RANBP2: variants seen among roughly 807,000 people sequenced by gnomAD.
RANBP2 encodes RAN binding protein 2.
In RANBP2, 57 loss-of-function variants were observed where a neutral mutation model predicts 303.6. The observed-to-expected ratio is 0.19, with a 90% CI of 0.15 to 0.23. RANBP2 has a LOEUF of 0.23. RANBP2 is among the 10% of genes least tolerant of loss of function. RANBP2 has a pLI of 1.00. For synonymous variants in RANBP2, 1,167 were observed against 1,301.5 expected, an observed-to-expected ratio of 0.90 and a Z score of 2.23; for missense variants, 3,138 against 3,780.8, an observed-to-expected ratio of 0.83 and a Z score of 4.46.
At chr2:109,346,305 CT>C in the RANBP2 span, among the ~76,000 whole-genome samples, 3 of 152,114 alleles carry the variant, frequency 2.0e-5, no homozygotes, top group Non-Finnish European at 1.5e-5. Context: ...TTTGACGTTG[CT>C]GAAACATAAA....
the RANBP2 span, among the ~76,000 whole-genome samples, chr2:109,476,670 C>T: frequency 2.0e-5 from 3 of 152,124 alleles, no homozygotes; most frequent in East Asian, 1.9e-4. Context: ...TTGGATCTCC[C>T]GCAAGAAAGA....
the RANBP2 span, among the ~76,000 whole-genome samples, chr2:109,424,271 C>T: frequency 6.7e-6 from 1 of 149,038 alleles, no homozygotes; most frequent in Non-Finnish European, 1.5e-5. Flanking sequence ...TTTGAAGGGG[C>T]AGTCATGGGT....
the RANBP2 span, among the ~76,000 whole-genome samples, chr2:109,492,022 C>T: frequency 0.014 from 2,149 of 152,118 alleles, 49 homozygotes; most frequent in African/African-American, 0.049. Context: ...ACAGGTTCTT[C>T]GTCAAGGGCC....
At chr2:109,643,384 T>C in the RANBP2 span, among the ~76,000 whole-genome samples, 2 of 152,282 alleles carry the variant, frequency 1.3e-5, no homozygotes, top group East Asian at 3.9e-4. Flanking sequence ...CGGTTAAGCA[T>C]TATAAGTCAC....
chr2:109,472,365 G>C, the RANBP2 span, among the ~76,000 whole-genome samples: 1 of 151,996 alleles, frequency 6.6e-6, no homozygotes, highest in African/African-American at 2.4e-5. Context: ...TGTGCATGCA[G>C]GGTGTCCTGG....
chr2:109,199,582 T>TCATCC, the RANBP2 span, among the ~76,000 whole-genome samples: 1 of 474 alleles, frequency 2.1e-3, no homozygotes, highest in Non-Finnish European at 5.1e-3. Context: ...TGGAATGGAA[T>TCATCC]GGAATGGAAT....
chr2:109,388,721 C>A, the RANBP2 span, among the ~76,000 whole-genome samples: 4 of 152,346 alleles, frequency 2.6e-5, no homozygotes, highest in African/African-American at 9.6e-5. Context: ...GAGACCCCTG[C>A]AAGAGGATGA....
the RANBP2 span, among the ~76,000 whole-genome samples, chr2:108,817,174 T>G: frequency 6.6e-6 from 1 of 152,192 alleles, no homozygotes; most frequent in Non-Finnish European, 1.5e-5. Flanking sequence ...GTGGTCCTGG[T>G]AATCACACAA....
the RANBP2 span, among the ~76,000 whole-genome samples, chr2:109,625,725 T>G: frequency 1.3e-5 from 2 of 152,136 alleles, no homozygotes; most frequent in Non-Finnish European, 2.9e-5. Flanking sequence ...CAGCATGGGT[T>G]GCATCCAAAA....
the RANBP2 span, among the ~76,000 whole-genome samples, chr2:109,008,989 G>A: frequency 6.6e-6 from 1 of 151,818 alleles, no homozygotes; most frequent in African/African-American, 2.4e-5. Context: ...TATATACTTA[G>A]ATAAAAAGAT....
At chr2:109,248,081 A>G in the RANBP2 span, among the ~76,000 whole-genome samples, 3 of 152,224 alleles carry the variant, frequency 2.0e-5, no homozygotes, top group Non-Finnish European at 2.9e-5. Flanking sequence ...ACATGAATCA[A>G]TTGGAGGCTG....
chr2:109,505,662 C>G, the RANBP2 span, among the ~76,000 whole-genome samples: 1 of 152,296 alleles, frequency 6.6e-6, no homozygotes, highest in African/African-American at 2.4e-5. Flanking sequence ...ACCACTCTTG[C>G]CTCCATTTGC....
Position 108,755,263 on chromosome 2 carries a change from A to T in RANBP2, c.2466+4A>T. ...CCAACAAGTAGAGGCCATTAAGGTA[A>T]GTCACTTAATTTCTCTAGCTGTACT... On this transcript the variant is annotated splice_donor_region_variant and intron_variant, in intron 17 of 28. Coordinates refer to ENST00000283195, the MANE Select transcript of RANBP2 (RefSeq NM_006267.5). 1 of 1,611,884 alleles carries T rather than the reference A, an allele frequency of 6.2e-7. No homozygotes were observed. Among genetic ancestry groups the T allele is most frequent in the Non-Finnish European group, 8.5e-7 (1 of 1,179,800 alleles).
the RANBP2 span, among the ~76,000 whole-genome samples, chr2:108,831,868 G>T: frequency 1.3e-5 from 2 of 152,004 alleles, no homozygotes; most frequent in Admixed American, 6.6e-5. Flanking sequence ...GAGTAGCTGG[G>T]ATTGCAGGCA....
chr2:108,983,353 G>T, the RANBP2 span, among the ~76,000 whole-genome samples: 1 of 152,152 alleles, frequency 6.6e-6, no homozygotes, highest in African/African-American at 2.4e-5. Flanking sequence ...TATTTTTAAG[G>T]ATTAGGATTT....
downstream of RANBP2, chr2:108,787,933 C>T: frequency 5.7e-6 from 6 of 1,055,228 alleles, no homozygotes; most frequent in South Asian, 1.5e-5. Flanking sequence ...GATTTCTCCA[C>T]TCTAACCTTT....
At chr2:108,932,556 A>G in the RANBP2 span, among the ~76,000 whole-genome samples, 1 of 151,228 alleles carries the variant, frequency 6.6e-6, no homozygotes, top group Non-Finnish European at 1.5e-5. Flanking sequence ...AAAAAAAGAA[A>G]GAAATTAAGA....
chr2:108,820,935 TA>T, the RANBP2 span, among the ~76,000 whole-genome samples: 1 of 152,126 alleles, frequency 6.6e-6, no homozygotes, highest in Non-Finnish European at 1.5e-5. Flanking sequence ...AATGGACAAA[TA>T]TAGTAAGTAG....
At chr2:108,794,175 A>G in the RANBP2 span, among the ~76,000 whole-genome samples, 772 of 152,342 alleles carry the variant, frequency 5.1e-3, 9 homozygotes, top group African/African-American at 0.015. Flanking sequence ...GCAGCATGTA[A>G]CACTTACTTG....
Sources: allele counts gnomAD v4.1 joint callset (sites outside exome capture counted in the v4.1 genomes callset), GRCh38; gene constraint gnomAD v4.1.1; transcripts MANE v1.5; gene names NCBI Gene and HGNC (gene_info 2026-07-23, HGNC 2026-07-21).